Variants in PFKM observed in about 807,000 individuals in gnomAD.
PFKM encodes ATP-dependent 6-phosphofructokinase, muscle type.
A neutral mutation model predicts 95.5 loss-of-function variants in PFKM; 58 were observed. The ratio of observed to expected loss-of-function variants is 0.61; its 90% CI spans 0.49 to 0.76. The LOEUF (loss-of-function observed/expected upper bound fraction) is 0.76. Among genes scored for constraint, PFKM ranks in the 30% least tolerant of loss-of-function variants. PFKM has a pLI of 0.00. For synonymous variants in PFKM, 336 were observed against 357.2 expected, an observed-to-expected ratio of 0.94 and a Z score of 0.67; for missense variants, 678 against 1,005.4, an observed-to-expected ratio of 0.67 and a Z score of 4.40.
chr12:48,131,455 T>C, intron 4 of PFKM, 62 bp downstream of exon 4: 3 of 1,213,988 alleles, frequency 2.5e-6, no homozygotes, highest in South Asian at 2.4e-5. Context: ...CCACTCTGTT[T>C]TGGGCTCATG....
chr12:48,118,556 G>C, upstream of PFKM: 2 of 1,516,274 alleles, frequency 1.3e-6, no homozygotes, highest in Non-Finnish European at 1.8e-6. Context: ...CCCGACTGTG[G>C]AGACAATGAA....
intron 11 of PFKM, 73 bp from the exon 12 acceptor site, chr12:48,139,212 A>C: frequency 1.7e-6 from 2 of 1,175,064 alleles, no homozygotes; most frequent in Non-Finnish European, 2.6e-6. Context: ...GCAGAGTTCG[A>C]CTGTGGGATG....
chr12:48,126,318 A>G (rs1424295950), intron 2 of PFKM, among the ~76,000 whole-genome samples: 3 of 152,136 alleles, frequency 2.0e-5, no homozygotes, highest in Non-Finnish European at 4.4e-5. Context: ...CTATTTGTAT[A>G]CCCCAAAGTT....
At chr12:48,140,590 T>C in intron 13 of PFKM, 132 bp from the exon 14 acceptor site, 2 of 899,044 alleles carry the variant, frequency 2.2e-6, no homozygotes, top group South Asian at 1.3e-5. Flanking sequence ...GGGGTGTGTG[T>C]TGTGTTGTCT....
intron 2 of PFKM, chr12:48,125,249 A>T: frequency 2.4e-6 from 1 of 418,900 alleles, no homozygotes; most frequent in Admixed American, 2.7e-5. Context: ...TCAGTCAGTC[A>T]TCTGCTCTGG....
intron 4 of PFKM, chr12:48,132,095 T>C (rs1949561602): frequency 2.2e-6 from 1 of 455,896 alleles, no homozygotes; most frequent in Non-Finnish European, 4.4e-6. Flanking sequence ...TGCTAAGTAA[T>C]GGTGCCTGCC....
At chr12:48,107,303 A>G in intron 1 of PFKM, 1 of 1,033,994 alleles carries the variant, frequency 9.7e-7, no homozygotes, top group Non-Finnish European at 1.5e-6. Flanking sequence ...GGTCCATGTC[A>G]GTCACTGACA....
Position 48,139,345 on chromosome 12 carries a change from G to A in PFKM, c.1123G>A (p.Gly375Ser). The change falls in exon 12 of 23, where the codon GGC (glycine) becomes AGC (serine). Residue 375 changes from glycine to serine, a missense_variant. Gly to Ser is a moderately conservative substitution (Grantham distance 56). Transcript: ENST00000359794. ...ATTTGACGAAGCCCTGAAGCTGAGAGGCCGGTGAGGAGATGACGGGAAGCT... is the reference window on the plus strand; with the variant it reads ...ATTTGACGAAGCCCTGAAGCTGAGAAGCCGGTGAGGAGATGACGGGAAGCT... ...KKFDEALKLRGRSFMNNWEVY... is the reference protein window; with the variant it reads ...KKFDEALKLRSRSFMNNWEVY... The A allele has an allele frequency of 6.2e-7, 1 of 1,612,774 alleles. No homozygotes were observed. The highest frequency in any genetic ancestry group is 8.5e-7 in the Non-Finnish European group (1 of 1,178,886).
chr12:48,115,765 T>C (rs1947614829), upstream of PFKM, among the ~76,000 whole-genome samples: 1 of 152,204 alleles, frequency 6.6e-6, no homozygotes, highest in Non-Finnish European at 1.5e-5. Flanking sequence ...AGAATAAATA[T>C]CTTCAAATAT....
At chr12:48,108,834 T>TA (rs1946938652) in intron 3 of PFKM, among the ~76,000 whole-genome samples, 2 of 152,242 alleles carry the variant, frequency 1.3e-5, no homozygotes, top group Admixed American at 1.3e-4. Flanking sequence ...AACATATGTA[T>TA]AAGGCATATC....
intron 2 of PFKM, among the ~76,000 whole-genome samples, chr12:48,123,677 A>C (rs1239041304): frequency 6.6e-6 from 1 of 152,252 alleles, no homozygotes; most frequent in Non-Finnish European, 1.5e-5. Flanking sequence ...CCTCCTCTGC[A>C]CCACTGTTCC....
chr12:48,134,419 CCATCCCCTCTGTTA>C (rs942822131), intron 7 of PFKM, 143 bp downstream of exon 7: 2 of 778,866 alleles, frequency 2.6e-6, no homozygotes, highest in African/African-American at 3.4e-5. Flanking sequence ...TTTCCGGCCT[CCATCCCCTCTGTTA>C]CATCCCCACA....
chr12:48,105,854 G>C, upstream of PFKM: 3 of 602,934 alleles, frequency 5.0e-6, no homozygotes, highest in Non-Finnish European at 8.8e-6. Flanking sequence ...CCACCGGACA[G>C]CAGGGGGGAG....
chr12:48,122,939 TTC>T (rs1948434657), intron 2 of PFKM, 80 bp downstream of exon 2: 1 of 1,385,622 alleles, frequency 7.2e-7, no homozygotes, highest in Admixed American at 1.8e-5. Context: ...AATAGAATTA[TTC>T]TTCTGTAGGT....
chr12:48,120,871 G>A (rs1027665552), intron 1 of PFKM, among the ~76,000 whole-genome samples: 3 of 152,204 alleles, frequency 2.0e-5, no homozygotes, highest in Non-Finnish European at 4.4e-5. Flanking sequence ...CATAAAGCAG[G>A]CCGAGCATGG....
chr12:48,133,355 G>C lies in PFKM; in HGVS notation c.468G>C (p.Leu156=), dbSNP rs772301967. The C allele has an allele frequency of 2.9e-5, 47 of 1,614,020 alleles. 1 individual carries two copies. In the Admixed American group the frequency reaches 7.8e-4, roughly 27 times the overall value. ...AGGAGGCTACGAAGTCCAGCTACCT[G>C]AACATTGTGGGCCTGGTTGGGTCAA... is the stretch of plus-strand genomic sequence containing the variant. ...TDEEATKSSY[L]NIVGLVGSID... The change falls in exon 6 of 23, where the codon CTG becomes CTC. Residue 156 remains leucine, a synonymous_variant. Coordinates refer to ENST00000359794, the MANE Select transcript of PFKM (RefSeq NM_000289.6).
intron 3 of PFKM, among the ~76,000 whole-genome samples, chr12:48,130,862 A>T (rs1357509324): frequency 6.6e-6 from 1 of 152,084 alleles, no homozygotes; most frequent in Non-Finnish European, 1.5e-5. Flanking sequence ...GTACCCTCTC[A>T]TGCTTCACCC....
chr12:48,122,499 A>G, intron 1 of PFKM: 1 of 1,059,570 alleles, frequency 9.4e-7, no homozygotes. Context: ...TTTATTCCCC[A>G]AATAGGTTCC....
At chr12:48,116,522 A>C (rs924639706), upstream of PFKM, among the ~76,000 whole-genome samples, 1 of 152,116 alleles carries the variant, frequency 6.6e-6, no homozygotes. Context: ...TCTGTCGCCC[A>C]GGGTGGAGTG....
Sources: allele counts gnomAD v4.1 joint callset (sites outside exome capture counted in the v4.1 genomes callset), GRCh38; gene constraint gnomAD v4.1.1; transcripts MANE v1.5; gene names NCBI Gene and HGNC (gene_info 2026-07-23, HGNC 2026-07-21).